UCN3: variants seen among roughly 807,000 people sequenced by gnomAD.
The protein encoded by UCN3 is urocortin-3.
Under a neutral mutation model 3.6 loss-of-function variants are expected in UCN3, and 3 were observed. The observed-to-expected ratio is 0.83, with a 90% CI of 0.38 to 2.15. The LOEUF (loss-of-function observed/expected upper bound fraction) is 2.15. Ranked by LOEUF, UCN3 falls within the 30% of genes most tolerant of loss-of-function variation. The pLI is 0.06. For missense variants in UCN3, 206 were observed against 208.3 expected (o/e 0.99, Z 0.07); for synonymous variants, 100 against 93.2 (o/e 1.07, Z -0.42).
rs1564442049 is a variant in UCN3 at position 5,369,903 on chromosome 10, G to GTGTGTGTGTATA, written c.-6-3800_-6-3789dup. On this transcript the variant is annotated intron_variant, in intron 1 of 1. Transcript: ENST00000380433. Reference sequence around the variant, plus strand: ...TGTGTGTATATGTGTGTGTGTATATGTGTGTGTGTATATGTGTGTGTATGT... The same window carrying GTGTGTGTGTATA: ...TGTGTGTATATGTGTGTGTGTATATGTGTGTGTGTATATGTGTGTGTATATGTGTGTGTATGT... Among the ~76,000 whole-genome samples, 16 of 98,390 alleles carry GTGTGTGTGTATA rather than the reference G, an allele frequency of 1.6e-4. 2 individuals are homozygous for GTGTGTGTGTATA. Among genetic ancestry groups the GTGTGTGTGTATA allele is most frequent in the African/African-American group, 6.3e-4 (14 of 22,110 alleles). 64.5% of individuals were successfully genotyped at this position (98,390 alleles called of 152,430 possible).
intron 1 of UCN3, among the ~76,000 whole-genome samples, chr10:5,371,671 A>C (rs6601952): frequency 0.35 from 53,941 of 151,998 alleles, 10,038 homozygotes; most frequent in South Asian, 0.55. Context: ...GAGCTTGAGC[A>C]CCGACTGCCA....
chr10:5,370,658 T>TAAG (rs1831383461), intron 1 of UCN3, among the ~76,000 whole-genome samples: 1 of 71,680 alleles, frequency 1.4e-5, no homozygotes, highest in African/African-American at 6.0e-5. Context: ...TGTGTGTATG[T>TAAG]GTGTGTATGT....
At chr10:5,371,656 G>A (rs1432085306) in intron 1 of UCN3, among the ~76,000 whole-genome samples, 2 of 152,142 alleles carry the variant, frequency 1.3e-5, no homozygotes, top group African/African-American at 4.8e-5. Context: ...GCAGAGCAGA[G>A]ACTGGAGCTT....
rs1326077102 is a variant in UCN3, at chr10:5,367,386, A to G, written c.-7+2156A>G. 5.3e-5 allele frequency among the ~76,000 whole-genome samples: 8 copies of G among 152,260 alleles called. No individual in the cohort carries two copies. The highest frequency in any genetic ancestry group is 8.8e-5 in the Non-Finnish European group (6 of 68,040). On this transcript the variant is annotated intron_variant, in intron 1 of 1. Transcript: ENST00000380433. This position sits in a 1 kb window ranked among gnomAD's most constrained non-coding sequence, Gnocchi z 4.3. ...ACAACATGATTTGCAGAGAGAATGT[A>G]CATCCATGAAAGAATTTAAAAGAGG... is the stretch of plus-strand genomic sequence containing the variant.
rs1554810724 is a variant in UCN3 at position 5,366,733 on chromosome 10, A to G, written c.-7+1503A>G. ...AAGCTCAGCACCGGGCGTCCCTATC[A>G]TGTCCAATTCACAGTTCTGGGAGGT... On this transcript the variant is annotated intron_variant, in intron 1 of 1. Coordinates refer to ENST00000380433, the MANE Select transcript of UCN3 (RefSeq NM_053049.4). This position sits in a 1 kb window ranked among gnomAD's most constrained non-coding sequence, Gnocchi z 4.2. Among the ~76,000 whole-genome samples the G allele has an allele frequency of 6.6e-6, 1 of 152,214 alleles. No individual in the cohort carries two copies. Among genetic ancestry groups the G allele is most frequent in the African/African-American group, 2.4e-5 (1 of 41,450 alleles).
rs1421114072 is a variant in UCN3 at position 5,365,786 on chromosome 10, AC to A, written c.-7+559del. On this transcript the variant is annotated intron_variant, in intron 1 of 1. Coordinates refer to ENST00000380433, the MANE Select transcript of UCN3 (RefSeq NM_053049.4). The surrounding 1 kb of genome is among the most constrained non-coding windows in gnomAD (Gnocchi z 4.4). ...AAGTGAAATGCAGGTTAAGGGATTC[AC>A]CCAAGAAAAGTCAGAGGCAAGGGAG... Among the ~76,000 whole-genome samples the A allele has an allele frequency of 6.6e-6, 1 of 152,130 alleles. No individual in the cohort carries two copies. Among genetic ancestry groups the A allele is most frequent in the Admixed American group, 6.5e-5 (1 of 15,280 alleles).
chr10:5,370,782 T>TGTGC (rs1831395514), intron 1 of UCN3, among the ~76,000 whole-genome samples: 1 of 139,994 alleles, frequency 7.1e-6, no homozygotes, highest in Admixed American at 7.0e-5. Flanking sequence ...TATATGCGTG[T>TGTGC]GTGTGTGTAT....
At chr10:5,368,647 T>C (rs192669145) in intron 1 of UCN3, among the ~76,000 whole-genome samples, 9 of 152,316 alleles carry the variant, frequency 5.9e-5, no homozygotes, top group African/African-American at 2.2e-4. Flanking sequence ...TGGTTTTTGT[T>C]TTTTTAAACC....
chr10:5,372,924 G>C (rs1324269371), intron 1 of UCN3, among the ~76,000 whole-genome samples: 1 of 151,724 alleles, frequency 6.6e-6, no homozygotes, highest in African/African-American at 2.4e-5. Flanking sequence ...CATCCTTTCC[G>C]AGCTCTCAGT....
Position 5,374,141 on chromosome 10 carries a change from A to C in UCN3, c.421A>C (p.Lys141Gln), listed in dbSNP as rs200577202. Reference sequence around the variant, plus strand: ...CCTCCTCTTCAACATCGCCAAGGCCAAGAACCTGCGTGCCCAGGCGGCCGC... The same window carrying C: ...CCTCCTCTTCAACATCGCCAAGGCCCAGAACCTGCGTGCCCAGGCGGCCGC... ...MNLLFNIAKA[K>Q]NLRAQAAANA... The change falls in exon 2 of 2, where the codon AAG (lysine) becomes CAG (glutamine). Residue 141 changes from lysine to glutamine, a missense_variant. Physicochemically the swap from Lys to Gln is moderately conservative, Grantham distance 53 (BLOSUM62 1). Transcript: ENST00000380433. 8.1e-6 allele frequency: 13 copies of C among 1,613,114 alleles called. No individual in the cohort carries two copies. Among genetic ancestry groups the C allele is most frequent in the Non-Finnish European group, 1.1e-5 (13 of 1,179,890 alleles).
intron 1 of UCN3, among the ~76,000 whole-genome samples, chr10:5,372,235 C>T (rs901876766): frequency 6.6e-6 from 1 of 152,204 alleles, no homozygotes; most frequent in Non-Finnish European, 1.5e-5. Flanking sequence ...TGGGTTTGAT[C>T]TCAGGGCACA....
intron 1 of UCN3, among the ~76,000 whole-genome samples, chr10:5,372,785 G>A (rs1272038827): frequency 1.3e-5 from 2 of 149,868 alleles, no homozygotes; most frequent in South Asian, 2.1e-4. Context: ...GAACTCCTGG[G>A]TTCAAACAAT....
In UCN3 at chr10:5,374,386, T is replaced by C. The variant is rs1163553623; in HGVS notation, c.*180T>C. 11 of 632,530 alleles carry C rather than the reference T, an allele frequency of 1.7e-5. No individual in the cohort carries two copies. In the Admixed American group the frequency reaches 2.1e-4, roughly 12 times the overall value. The allele number at this position is 632,530 out of a possible 1,614,324, so 39.2% of individuals were successfully genotyped here. ...TGATCTCTTCTGGCCTTTGACCCTGTCTCCCTCCTGCTCTGTCTGTACACA... is the reference window on the plus strand; with the variant it reads ...TGATCTCTTCTGGCCTTTGACCCTGCCTCCCTCCTGCTCTGTCTGTACACA... On this transcript the variant is annotated 3_prime_UTR_variant, in exon 2 of 2. Transcript: ENST00000380433.
At chr10:5,372,778 C>A (rs1377106708) in intron 1 of UCN3, among the ~76,000 whole-genome samples, 1 of 145,662 alleles carries the variant, frequency 6.9e-6, no homozygotes, top group Admixed American at 7.3e-5. Context: ...TGCTCTTGAA[C>A]TCCTGGGTTC....
chr10:5,365,340 C>T lies in UCN3; in HGVS notation c.-7+110C>T, dbSNP rs11253128. 1 of 152,370 alleles carries T rather than the reference C, an allele frequency of 6.6e-6. No individual in the cohort carries two copies. Among genetic ancestry groups the T allele is most frequent in the African/African-American group, 2.4e-5 (1 of 41,458 alleles). The allele number at this position is 152,370 out of a possible 1,614,324, so 9.4% of individuals were successfully genotyped here. On this transcript the variant is annotated intron_variant, in intron 1 of 1. Transcript: ENST00000380433. The surrounding 1 kb of genome is among the most constrained non-coding windows in gnomAD (Gnocchi z 4.4). ...TGAGAGATGAGAGCTGCTAGCGCCC[C>T]TGGGTGGAAGCCCAAGGGAGCGATG...
intron 1 of UCN3, among the ~76,000 whole-genome samples, chr10:5,370,993 ATG>A (rs1293136859): frequency 2.0e-5 from 3 of 149,436 alleles, no homozygotes; most frequent in East Asian, 2.0e-4. Flanking sequence ...TGAGGTATGT[ATG>A]TGTGTGCATA....
In UCN3 at chr10:5,373,777, G is replaced by A. The variant is rs28364047; in HGVS notation, c.57G>A (p.Arg19=). ...LLLLLLLGGP[R]TGLPHKFYKA... is the part of the protein sequence containing the mutation. ...TGCTGCTGCTCCTGGGGGGCCCCAG[G>A]ACAGGCCTCCCCCACAAGTTCTACA... The change falls in exon 2 of 2, where the codon AGG becomes AGA. Residue 19 remains arginine (R), a synonymous_variant. Transcript: ENST00000380433. 112 of 1,613,752 alleles carry A rather than the reference G, an allele frequency of 6.9e-5. No homozygotes were observed. Among genetic ancestry groups the A allele is most frequent in the Non-Finnish European group, 8.8e-5 (104 of 1,179,920 alleles).
At chr10:5,370,655 ATGTGTGTGTATGTGTGTGTATG>A (rs1831383205) in intron 1 of UCN3, among the ~76,000 whole-genome samples, 2 of 56,772 alleles carry the variant, frequency 3.5e-5, no homozygotes, top group Admixed American at 2.3e-4. Flanking sequence ...ATGTGTGTGT[ATGTGTGTGTATGTGTGTGTATG>A]TGTGTGTGTA....
chr10:5,372,335 G>A (rs955692718), intron 1 of UCN3, among the ~76,000 whole-genome samples: 5 of 152,208 alleles, frequency 3.3e-5, no homozygotes, highest in African/African-American at 1.2e-4. Context: ...AGCTGATGCT[G>A]CTACTGTGAA....
Sources: gnomAD v4.1 joint callset for allele counts (sites outside exome capture counted in the v4.1 genomes callset) on GRCh38, gnomAD v4.1.1 for gene constraint, Gnocchi (gnomAD v3.1) non-coding constraint, MANE v1.5 for transcripts, NCBI Gene and HGNC (gene_info 2026-07-23, HGNC 2026-07-21) for gene names.